ATRNL1: variants seen among roughly 807,000 people sequenced by gnomAD.
The protein encoded by ATRNL1 is attractin-like protein 1.
ATRNL1 carries 95 observed loss-of-function variants against 182.7 expected under a neutral mutation model. The ratio of observed to expected loss-of-function variants is 0.52; its 90% CI spans 0.44 to 0.62. The LOEUF (loss-of-function observed/expected upper bound fraction) is 0.62. Among genes scored for constraint, ATRNL1 ranks in the 20% least tolerant of loss-of-function variants. The pLI is 0.00. For synonymous variants in ATRNL1, 576 were observed against 568.3 expected, an observed-to-expected ratio of 1.01 and a Z score of -0.19; for missense variants, 1,471 against 1,679.5, an observed-to-expected ratio of 0.88 and a Z score of 2.17.
At chr10:115,231,793 A>G in intron 9 of ATRNL1, among the ~76,000 whole-genome samples, 1 of 152,122 alleles carries the variant, frequency 6.6e-6, no homozygotes, top group East Asian at 1.9e-4. Flanking sequence ...ACTCTTGAAA[A>G]TTTTGTTTCT....
intron 1 of ATRNL1, among the ~76,000 whole-genome samples, chr10:115,104,531 A>G (rs1564737316): frequency 6.6e-6 from 1 of 152,100 alleles, no homozygotes; most frequent in Non-Finnish European, 1.5e-5. Flanking sequence ...TTTGCTGTGC[A>G]GAAACTTTTT....
chr10:115,594,870 A>C (rs1259535638), intron 26 of ATRNL1, among the ~76,000 whole-genome samples: 1 of 152,306 alleles, frequency 6.6e-6, no homozygotes, highest in East Asian at 1.9e-4. Flanking sequence ...TGTGGCTCCA[A>C]GTCAAACAGA....
Position 115,093,614 on chromosome 10 carries a change from G to A in ATRNL1, c.-137G>A, listed in dbSNP as rs2084931942. ...TTGGGATCTGTCCCTCCTGACCGGGGAGCGGGACTCGGACGGGCGCCGGTG... is the reference window on the plus strand; with the variant it reads ...TTGGGATCTGTCCCTCCTGACCGGGAAGCGGGACTCGGACGGGCGCCGGTG... On this transcript the variant is annotated 5_prime_UTR_variant, in exon 1 of 29. Transcript: ENST00000355044. This position sits in a 1 kb window ranked among gnomAD's most constrained non-coding sequence, Gnocchi z 6.1. The A allele has an allele frequency of 2.0e-6, 2 of 1,004,506 alleles. No individual in the cohort carries two copies. The highest frequency in any genetic ancestry group is 3.0e-6 in the Non-Finnish European group (2 of 675,350). The allele number at this position is 1,004,506 out of a possible 1,614,324, so 62.2% of individuals were successfully genotyped here.
At chr10:115,931,366 G>C (rs1244635285) in intron 28 of ATRNL1, among the ~76,000 whole-genome samples, 1 of 152,096 alleles carries the variant, frequency 6.6e-6, no homozygotes, top group Non-Finnish European at 1.5e-5. Context: ...TGCCTCTAAA[G>C]TATAATGATA....
chr10:115,097,943 C>T (rs1564732531), intron 1 of ATRNL1, among the ~76,000 whole-genome samples: 1 of 151,968 alleles, frequency 6.6e-6, no homozygotes, highest in Non-Finnish European at 1.5e-5. Flanking sequence ...CAAAAATAAA[C>T]AACAACAACA....
rs536000888 is a variant in ATRNL1 at position 115,657,128 on chromosome 10, A to G, written c.3796-70120A>G. On this transcript the variant is annotated intron_variant, in intron 26 of 28. Transcript: ENST00000355044. ...CAATAATGTTAGGTGAGGACTTAAT[A>G]TACATGATTTTAAAAAAATACAGTA... 2.6e-3 allele frequency among the ~76,000 whole-genome samples: 401 copies of G among 152,314 alleles called. 1 individual carries two copies. The highest frequency in any genetic ancestry group is 9.1e-3 in the African/African-American group (377 of 41,556).
rs77637099 is a variant in ATRNL1, at chr10:115,392,344, A to G, written c.3176-2315A>G. On this transcript the variant is annotated intron_variant, in intron 19 of 28. Coordinates refer to ENST00000355044, the MANE Select transcript of ATRNL1 (RefSeq NM_207303.4). ...CCCTTTAAAATATATTCAGTGCAAT[A>G]CATTTTTCCCTTGATCTTGTATGAA... 9.6e-3 allele frequency among the ~76,000 whole-genome samples: 1,464 copies of G among 152,280 alleles called. 62 individuals carry two copies. The highest frequency in any genetic ancestry group is 0.065 in the Admixed American group (995 of 15,268).
intron 15 of ATRNL1, among the ~76,000 whole-genome samples, chr10:115,299,190 T>G (rs1298064567): frequency 6.6e-6 from 1 of 151,744 alleles, no homozygotes; most frequent in Non-Finnish European, 1.5e-5. Flanking sequence ...TATATTAAAA[T>G]AGAGATGTTT....
chr10:115,401,518 A>G (rs1554956965), intron 20 of ATRNL1, among the ~76,000 whole-genome samples: 1 of 152,160 alleles, frequency 6.6e-6, no homozygotes, highest in East Asian at 1.9e-4. Context: ...AGGGATTATG[A>G]TATTCTCAAA....
At chr10:115,204,827 A>C (rs1848734934) in intron 8 of ATRNL1, among the ~76,000 whole-genome samples, 1 of 152,060 alleles carries the variant, frequency 6.6e-6, no homozygotes, top group Non-Finnish European at 1.5e-5. Flanking sequence ...TATTTTGTGG[A>C]AAAGTTTGAA....
chr10:115,404,693 C>G (rs1375024923), intron 20 of ATRNL1, among the ~76,000 whole-genome samples: 1 of 152,036 alleles, frequency 6.6e-6, no homozygotes, highest in Admixed American at 6.6e-5. Context: ...TTTAAATAAC[C>G]TTAAGGGTCC....
chr10:115,252,018 G>A (rs1259680775), intron 10 of ATRNL1, among the ~76,000 whole-genome samples: 1 of 151,920 alleles, frequency 6.6e-6, no homozygotes, highest in East Asian at 1.9e-4. Context: ...AGCTGTCTAG[G>A]TTTGTTGTTG....
At chr10:115,161,721 T>A (rs1846793912) in intron 6 of ATRNL1, among the ~76,000 whole-genome samples, 1 of 152,128 alleles carries the variant, frequency 6.6e-6, no homozygotes, top group South Asian at 2.1e-4. Flanking sequence ...CTGAGTATTT[T>A]GGTTACAGTG....
intron 26 of ATRNL1, among the ~76,000 whole-genome samples, chr10:115,601,102 A>G (rs977561088): frequency 1.3e-5 from 2 of 151,908 alleles, no homozygotes; most frequent in Non-Finnish European, 1.5e-5. Context: ...AATAAGTTAT[A>G]TTTGCCCTTT....
In ATRNL1 at chr10:115,811,572, A is replaced by T. The variant is rs114975899; in HGVS notation, c.3904-36305A>T. Reference sequence around the variant, plus strand: ...GGAGTGTTAAAAATCTCCAACTATAATTGTAGTCTTATTTATTTCTTCTGT... The same window carrying T: ...GGAGTGTTAAAAATCTCCAACTATATTTGTAGTCTTATTTATTTCTTCTGT... On this transcript the variant is annotated intron_variant, in intron 27 of 28. Coordinates refer to ENST00000355044, the MANE Select transcript of ATRNL1 (RefSeq NM_207303.4). Among the ~76,000 whole-genome samples, 448 of 152,100 alleles carry T rather than the reference A, an allele frequency of 2.9e-3. 2 individuals carry two copies. Among genetic ancestry groups the T allele is most frequent in the Middle Eastern group, 0.01 (3 of 294 alleles).
intron 28 of ATRNL1, among the ~76,000 whole-genome samples, chr10:115,939,767 C>T (rs781919253): frequency 1.8e-4 from 28 of 152,108 alleles, no homozygotes; most frequent in Non-Finnish European, 3.8e-4. Context: ...CGGCGTGCAG[C>T]ATGGGCCCAG....
At chr10:115,706,899 C>T (rs1252202324) in intron 26 of ATRNL1, among the ~76,000 whole-genome samples, 4 of 151,870 alleles carry the variant, frequency 2.6e-5, no homozygotes, top group African/African-American at 7.2e-5. Context: ...ATCTAGCTAA[C>T]GTCAACAACT....
intron 27 of ATRNL1, among the ~76,000 whole-genome samples, chr10:115,739,846 C>A (rs1555067134): frequency 6.6e-6 from 1 of 152,066 alleles, no homozygotes. Context: ...TACTTTTACA[C>A]TAAATTTATG....
chr10:115,158,044 T>G (rs1045669106), intron 5 of ATRNL1, among the ~76,000 whole-genome samples: 1 of 151,902 alleles, frequency 6.6e-6, no homozygotes, highest in Non-Finnish European at 1.5e-5. Context: ...TTTTAAAGTT[T>G]TAGAAAAGTT....
Sources: allele counts gnomAD v4.1 joint callset (sites outside exome capture counted in the v4.1 genomes callset), GRCh38; gene constraint gnomAD v4.1.1; non-coding constraint Gnocchi (gnomAD v3.1); transcripts MANE v1.5; gene names NCBI Gene and HGNC (gene_info 2026-07-23, HGNC 2026-07-21).